ZCWPW1: variants seen among roughly 807,000 people sequenced by gnomAD.
The protein encoded by ZCWPW1 is zinc finger CW-type and PWWP domain containing 1.
Under a neutral mutation model 81.3 loss-of-function variants are expected in ZCWPW1, and 56 were observed. The ratio of observed to expected loss-of-function variants is 0.69; its 90% CI spans 0.56 to 0.86. ZCWPW1 has a LOEUF of 0.86. Among genes scored for constraint, ZCWPW1 ranks in the 40% least tolerant of loss-of-function variants. The pLI is 0.00. For synonymous variants in ZCWPW1, 250 were observed against 273.7 expected, an observed-to-expected ratio of 0.91 and a Z score of 0.86; for missense variants, 650 against 769.8, an observed-to-expected ratio of 0.84 and a Z score of 1.84.
chr7:100,416,957 A>G (rs1795367075), intron 6 of ZCWPW1, 109 bp downstream of exon 6: 4 of 974,230 alleles, frequency 4.1e-6, no homozygotes, highest in Non-Finnish European at 6.1e-6. Flanking sequence ...AAAAAAAAAA[A>G]AAAAAGAAAT....
rs747720508 is a variant in ZCWPW1, at chr7:100,409,554, G to GA, written c.755-11dup. On this transcript the variant is annotated splice_polypyrimidine_tract_variant and intron_variant, in intron 8 of 17. Coordinates refer to ENST00000684423, the MANE Select transcript of ZCWPW1 (RefSeq NM_001386010.1). ...CAGACCAGACATTGACCTGTGAGAG[G>GA]AAAAAAATGAAATAAGAGACTTAAA... 7 of 1,582,902 alleles carry GA rather than the reference G, an allele frequency of 4.4e-6. No homozygotes were observed. The highest frequency in any genetic ancestry group is 4.5e-5 in the East Asian group (2 of 44,716).
chr7:100,401,355 A>G lies in ZCWPW1; in HGVS notation c.1628-19T>C. 8 of 1,521,026 alleles carry G rather than the reference A, an allele frequency of 5.3e-6. No individual in the cohort carries two copies. Among genetic ancestry groups the G allele is most frequent in the Non-Finnish European group, 6.2e-6 (7 of 1,137,180 alleles). 94.2% of individuals were successfully genotyped at this position (1,521,026 alleles called of 1,614,324 possible). ...TTAGGGCCTAAATGAGAAGGTGACAAAGCCAAGAGTCCTATTAGGTCAGCC... is the reference window on the plus strand; with the variant it reads ...TTAGGGCCTAAATGAGAAGGTGACAGAGCCAAGAGTCCTATTAGGTCAGCC... On this transcript the variant is annotated intron_variant, in intron 17 of 17. Transcript: ENST00000684423.
At chr7:100,422,789 T>C (rs1296951294) in intron 2 of ZCWPW1, among the ~76,000 whole-genome samples, 1 of 152,218 alleles carries the variant, frequency 6.6e-6, no homozygotes, top group Non-Finnish European at 1.5e-5. Context: ...TGTCCATGTG[T>C]ATGCAATGTT....
intron 5 of ZCWPW1, among the ~76,000 whole-genome samples, chr7:100,418,450 A>C (rs1352958648): frequency 1.3e-5 from 2 of 152,214 alleles, no homozygotes; most frequent in East Asian, 1.9e-4. Flanking sequence ...CATGAGTTCA[A>C]GACCAGCCTG....
At chr7:100,411,014 C>G (rs1345854237) in intron 8 of ZCWPW1, among the ~76,000 whole-genome samples, 1 of 152,218 alleles carries the variant, frequency 6.6e-6, no homozygotes, top group African/African-American at 2.4e-5. Flanking sequence ...TTTTCTGAGC[C>G]TACACTCAAG....
chr7:100,404,977 G>C (rs999736535), intron 13 of ZCWPW1, 36 bp downstream of exon 13: 6 of 1,591,000 alleles, frequency 3.8e-6, no homozygotes, highest in Admixed American at 3.3e-5. Context: ...TCCAAGAGTA[G>C]GGAAAGGAAT....
intron 8 of ZCWPW1, among the ~76,000 whole-genome samples, chr7:100,414,754 C>T (rs889020264): frequency 4.6e-5 from 7 of 152,074 alleles, no homozygotes; most frequent in African/African-American, 1.2e-4. Flanking sequence ...AGGCTGGGCA[C>T]GGTGGCTTAC....
chr7:100,407,392 G>T, intron 10 of ZCWPW1, 89 bp from the exon 11 acceptor site: 1 of 1,209,834 alleles, frequency 8.3e-7, no homozygotes, highest in Non-Finnish European at 1.2e-6. Flanking sequence ...ACAGAGAAGA[G>T]CAGTATGATT....
At chr7:100,405,410 G>C (rs1172484981) in intron 12 of ZCWPW1, among the ~76,000 whole-genome samples, 2 of 151,258 alleles carry the variant, frequency 1.3e-5, no homozygotes, top group African/African-American at 4.9e-5. Context: ...CTGGGGGACA[G>C]AGCGAGACTC....
Position 100,409,521 on chromosome 7 carries a change from A to G in ZCWPW1, c.778T>C (p.Cys260Arg). ...GFGQCLVWVQCSFPNCGKWRR... is the reference protein window; with the variant it reads ...GFGQCLVWVQRSFPNCGKWRR... ...CATTTCCCACAGTTTGGGAAGGAAC[A>G]CTGGACCCAGACCAGACATTGACCT... The change falls in exon 9 of 18, where the codon TGT becomes CGT. Residue 260 changes from cysteine (C) to arginine (R), a missense_variant. Coordinates refer to ENST00000684423, the MANE Select transcript of ZCWPW1 (RefSeq NM_001386010.1). 1 of 1,614,112 alleles carries G rather than the reference A, an allele frequency of 6.2e-7. No homozygotes were observed. The highest frequency in any genetic ancestry group is 1.1e-5 in the South Asian group (1 of 91,080).
At chr7:100,404,941 T>G in intron 13 of ZCWPW1, 72 bp downstream of exon 13, 1 of 1,508,474 alleles carries the variant, frequency 6.6e-7, no homozygotes, top group South Asian at 1.1e-5. Context: ...ACCATCTTTG[T>G]CTGGACTGAG....
At chr7:100,403,216 A>ATTT (rs11338339) in intron 15 of ZCWPW1, among the ~76,000 whole-genome samples, 3 of 141,100 alleles carry the variant, frequency 2.1e-5, no homozygotes, top group African/African-American at 5.2e-5. Flanking sequence ...TGTCTAAACA[A>ATTT]TTTTTTTTTT....
chr7:100,421,817 C>A (rs544751933), intron 2 of ZCWPW1, among the ~76,000 whole-genome samples: 1 of 152,168 alleles, frequency 6.6e-6, no homozygotes, highest in African/African-American at 2.4e-5. Context: ...CTCAGCCTCC[C>A]GAGTAGCTGG....
intron 6 of ZCWPW1, among the ~76,000 whole-genome samples, 165 bp from the exon 7 acceptor site, chr7:100,416,621 G>T (rs1188790413): frequency 6.6e-6 from 1 of 152,264 alleles, no homozygotes; most frequent in East Asian, 1.9e-4. Flanking sequence ...ACTCAAACAG[G>T]TATCTTTCCT....
intron 2 of ZCWPW1, 80 bp from the exon 3 acceptor site, chr7:100,420,758 T>C (rs1796207771): frequency 1.4e-6 from 2 of 1,413,144 alleles, no homozygotes; most frequent in Non-Finnish European, 2.0e-6. Context: ...GTTCAGAAAC[T>C]CTTTGTTTCA....
chr7:100,419,581 G>A (rs1349482187), intron 4 of ZCWPW1, 49 bp downstream of exon 4: 2 of 1,559,822 alleles, frequency 1.3e-6, no homozygotes, highest in South Asian at 1.3e-5. Flanking sequence ...TGAGCCAGGG[G>A]TAAGGTATGA....
chr7:100,409,996 A>G (rs1178369833), intron 8 of ZCWPW1, among the ~76,000 whole-genome samples: 3 of 152,206 alleles, frequency 2.0e-5, no homozygotes, highest in Admixed American at 6.5e-5. Context: ...CCAAATCTCA[A>G]CTGATTTACC....
At chr7:100,418,189 T>C (rs1440767300) in intron 5 of ZCWPW1, among the ~76,000 whole-genome samples, 2 of 152,136 alleles carry the variant, frequency 1.3e-5, no homozygotes, top group African/African-American at 2.4e-5. Flanking sequence ...CTGGCCTCCC[T>C]CACTGCGTTC....
chr7:100,414,706 G>C (rs138334420), intron 8 of ZCWPW1, among the ~76,000 whole-genome samples: 34 of 152,016 alleles, frequency 2.2e-4, no homozygotes, highest in Admixed American at 7.9e-4. Context: ...TATATTGTAT[G>C]ATCTGTTTTA....
Sources: allele counts gnomAD v4.1 joint callset (sites outside exome capture counted in the v4.1 genomes callset), GRCh38; gene constraint gnomAD v4.1.1; transcripts MANE v1.5; gene names NCBI Gene and HGNC (gene_info 2026-07-23, HGNC 2026-07-21).